PLCL2: variants seen among roughly 807,000 people sequenced by gnomAD.
PLCL2 encodes the protein inactive phospholipase C-like protein 2.
PLCL2 carries 4 observed loss-of-function variants against 79.6 expected under a neutral mutation model. The ratio of observed to expected loss-of-function variants is 0.05; its 90% CI spans 0.02 to 0.11. The LOEUF is 0.11. Ranked by LOEUF, PLCL2 falls within the 10% of genes least tolerant of loss-of-function variation. The pLI is 1.00. For missense variants in PLCL2, 895 were observed against 1,291.0 expected (o/e 0.69, Z 4.70); for synonymous variants, 484 against 457.7 (o/e 1.06, Z -0.73).
intron 1 of PLCL2, among the ~76,000 whole-genome samples, chr3:16,908,664 T>TGCACA (rs1361787337): frequency 6.6e-6 from 1 of 152,168 alleles, no homozygotes; most frequent in Non-Finnish European, 1.5e-5. Flanking sequence ...GACCCGTGAA[T>TGCACA]GCACAGCACA....
intron 1 of PLCL2, among the ~76,000 whole-genome samples, chr3:16,889,335 G>A (rs1362673667): frequency 6.6e-6 from 1 of 152,162 alleles, no homozygotes; most frequent in African/African-American, 2.4e-5. Flanking sequence ...ATTTTTTGTG[G>A]TTAAGGCAGC....
At chr3:16,946,268 T>A (rs1005798973) in intron 1 of PLCL2, among the ~76,000 whole-genome samples, 5 of 152,068 alleles carry the variant, frequency 3.3e-5, no homozygotes, top group Admixed American at 6.6e-5. Context: ...TTCACCAGCT[T>A]TCCCAGTGCT....
chr3:16,931,011 A>C (rs868463564), intron 1 of PLCL2, among the ~76,000 whole-genome samples: 1 of 151,536 alleles, frequency 6.6e-6, no homozygotes, highest in Admixed American at 6.6e-5. Flanking sequence ...CATATCTGTA[A>C]CTCCAATGCC....
intron 5 of PLCL2, among the ~76,000 whole-genome samples, chr3:17,069,998 C>T (rs2065047580): frequency 6.6e-6 from 1 of 152,182 alleles, no homozygotes; most frequent in Non-Finnish European, 1.5e-5. Flanking sequence ...TTCCTGTAAA[C>T]TCAAGAAAAT....
chr3:16,967,998 A>G (rs1454080317), intron 1 of PLCL2, among the ~76,000 whole-genome samples: 1 of 152,152 alleles, frequency 6.6e-6, no homozygotes, highest in African/African-American at 2.4e-5. Context: ...CAGTTATCCC[A>G]GAACCACTTA....
intron 1 of PLCL2, among the ~76,000 whole-genome samples, chr3:16,936,737 G>A (rs1023797997): frequency 3.3e-5 from 5 of 151,542 alleles, no homozygotes; most frequent in African/African-American, 1.2e-4. Flanking sequence ...TTTTTTTTCA[G>A]CAGGCTAAGC....
At chr3:16,904,130 A>G (rs1328102046) in intron 1 of PLCL2, among the ~76,000 whole-genome samples, 1 of 152,166 alleles carries the variant, frequency 6.6e-6, no homozygotes, top group Non-Finnish European at 1.5e-5. Flanking sequence ...GTTTTGGTGA[A>G]AAAAGTCCCA....
At position 17,090,249 on chromosome 3, in the gene PLCL2, G is replaced by A; in HGVS notation, c.*337G>A. On this transcript the variant is annotated 3_prime_UTR_variant, in exon 6 of 6. Transcript: ENST00000615277. ...GAAAACAATTTCTTAAGATGGAAATGGATTGGATTGTCAAATTATTATTTA... is the reference window on the plus strand; with the variant it reads ...GAAAACAATTTCTTAAGATGGAAATAGATTGGATTGTCAAATTATTATTTA... 4 of 997,828 alleles carry A rather than the reference G, an allele frequency of 4.0e-6. No individual in the cohort carries two copies. Among genetic ancestry groups the A allele is most frequent in the Admixed American group, 5.9e-5 (1 of 17,090 alleles). 61.8% of individuals were successfully genotyped at this position (997,828 alleles called of 1,614,324 possible).
intron 1 of PLCL2, among the ~76,000 whole-genome samples, chr3:16,914,277 G>T (rs1416944199): frequency 6.6e-6 from 1 of 152,178 alleles, no homozygotes; most frequent in Non-Finnish European, 1.5e-5. Flanking sequence ...TATATGTGGA[G>T]AAATATATAG....
At chr3:16,984,748 T>C (rs1001707849) in intron 1 of PLCL2, among the ~76,000 whole-genome samples, 3 of 152,024 alleles carry the variant, frequency 2.0e-5, no homozygotes, top group African/African-American at 7.3e-5. Flanking sequence ...CTGGCTAACA[T>C]GGTGAAACCC....
intron 1 of PLCL2, among the ~76,000 whole-genome samples, chr3:16,924,855 T>C (rs1359103617): frequency 6.6e-6 from 1 of 152,158 alleles, no homozygotes; most frequent in East Asian, 1.9e-4. Flanking sequence ...AGTATACCTC[T>C]AGGTCAGGAT....
Position 17,067,990 on chromosome 3 carries a change from C to T in PLCL2, c.3129C>T (p.Gly1043=). The T allele has an allele frequency of 6.2e-7, 1 of 1,611,738 alleles. No individual in the cohort carries two copies. Among genetic ancestry groups the T allele is most frequent in the Non-Finnish European group, 8.5e-7 (1 of 1,178,212 alleles). The change falls in exon 5 of 6, where the codon GGC becomes GGT. Residue 1043 remains glycine, a synonymous_variant. Coordinates refer to ENST00000615277, the MANE Select transcript of PLCL2 (RefSeq NM_001144382.2). ...TCCATGAACACTTGCACAGCATAGGCACCAAGGAAGGTTTGAAGGAAAGAA... is the reference window on the plus strand; with the variant it reads ...TCCATGAACACTTGCACAGCATAGGTACCAAGGAAGGTTTGAAGGAAAGAA... ...MEFHEHLHSI[G]TKEGLKERKL...
chr3:16,916,172 CTG>C (rs1173988904), intron 1 of PLCL2, among the ~76,000 whole-genome samples: 1 of 152,080 alleles, frequency 6.6e-6, no homozygotes, highest in Non-Finnish European at 1.5e-5. Flanking sequence ...ACCTGCCACA[CTG>C]TGGAACAGAG....
chr3:17,062,972 G>A (rs1051984209), intron 4 of PLCL2, among the ~76,000 whole-genome samples: 6 of 151,844 alleles, frequency 4.0e-5, no homozygotes, highest in Admixed American at 3.9e-4. Flanking sequence ...CTGCCTGGTG[G>A]CTTTCCATAG....
At chr3:16,919,095 T>C (rs1419516767) in intron 1 of PLCL2, among the ~76,000 whole-genome samples, 1 of 152,182 alleles carries the variant, frequency 6.6e-6, no homozygotes, top group East Asian at 1.9e-4. Flanking sequence ...TTTTATTTGT[T>C]TGAACCAAAA....
chr3:17,029,750 G>C (rs1174209149), intron 3 of PLCL2, among the ~76,000 whole-genome samples: 6 of 152,102 alleles, frequency 3.9e-5, no homozygotes. Context: ...ACCCTGGTGA[G>C]TGAGCCAAAA....
rs990986070 is a variant in PLCL2, at chr3:17,090,194, C to T, written c.*282C>T. Reference sequence around the variant, plus strand: ...CCAGTATGAAGAAAGATTATTCACTCTAGCTCCACTGAGAAACATTTTCCT... The same window carrying T: ...CCAGTATGAAGAAAGATTATTCACTTTAGCTCCACTGAGAAACATTTTCCT... On this transcript the variant is annotated 3_prime_UTR_variant, in exon 6 of 6. Transcript: ENST00000615277. 8.2e-5 allele frequency: 89 copies of T among 1,086,416 alleles called. No homozygotes were observed. Among genetic ancestry groups the T allele is most frequent in the Non-Finnish European group, 9.8e-5 (88 of 893,982 alleles). 67.3% of individuals were successfully genotyped at this position (1,086,416 alleles called of 1,614,324 possible). A position where few individuals can be genotyped will look rare whatever the true frequency, so the allele number is the denominator to read the frequency against.
chr3:16,934,453 G>A (rs1035528652), intron 1 of PLCL2, among the ~76,000 whole-genome samples: 4 of 152,144 alleles, frequency 2.6e-5, no homozygotes, highest in African/African-American at 4.8e-5. Flanking sequence ...ATCATGGCCC[G>A]TTTGAGCTTC....
chr3:17,077,616 G>A (rs2065120303), intron 5 of PLCL2, among the ~76,000 whole-genome samples: 1 of 152,164 alleles, frequency 6.6e-6, no homozygotes, highest in South Asian at 2.1e-4. Context: ...TGTACTGGTG[G>A]TAATTTTCAC....
Sources: allele counts gnomAD v4.1 joint callset (sites outside exome capture counted in the v4.1 genomes callset), GRCh38; gene constraint gnomAD v4.1.1; transcripts MANE v1.5; gene names NCBI Gene and HGNC (gene_info 2026-07-23, HGNC 2026-07-21).